GLI2: variants seen among roughly 807,000 people sequenced by gnomAD.
The protein encoded by GLI2 is GLI family zinc finger 2.
GLI2 carries 22 observed loss-of-function variants against 78.9 expected under a neutral mutation model. The observed-to-expected ratio is 0.28, with a 90% CI of 0.20 to 0.40. GLI2 has a LOEUF of 0.40. Ranked by LOEUF, GLI2 falls within the 10% of genes least tolerant of loss-of-function variation. The probability of loss-of-function intolerance (pLI) is 1.00; values close to 1 mark genes in which losing one functional copy is unlikely to be tolerated. For synonymous variants in GLI2, 974 were observed against 963.7 expected, an observed-to-expected ratio of 1.01 and a Z score of -0.20; for missense variants, 2,097 against 2,213.2, an observed-to-expected ratio of 0.95 and a Z score of 1.05.
intron 2 of GLI2, among the ~76,000 whole-genome samples, chr2:120,804,499 C>T (rs1684853725): frequency 6.6e-6 from 1 of 152,222 alleles, no homozygotes; most frequent in Admixed American, 6.5e-5. Context: ...CCTGCCAGGC[C>T]CCATGGCCAG....
At chr2:120,860,376 C>T (rs1687850373) in intron 2 of GLI2, among the ~76,000 whole-genome samples, 1 of 152,212 alleles carries the variant, frequency 6.6e-6, no homozygotes, top group Non-Finnish European at 1.5e-5. Context: ...GTGGGGCTCA[C>T]TGTCCTCAGG....
intron 1 of GLI2, among the ~76,000 whole-genome samples, chr2:120,780,291 A>C (rs1479095208): frequency 6.6e-6 from 1 of 152,194 alleles, no homozygotes; most frequent in African/African-American, 2.4e-5. Context: ...CCACTTGCCG[A>C]GCTCCAGCTG....
intron 2 of GLI2, among the ~76,000 whole-genome samples, chr2:120,891,816 G>A (rs373798083): frequency 1.3e-5 from 2 of 152,220 alleles, no homozygotes; most frequent in Admixed American, 6.5e-5. Flanking sequence ...GCAGCAGAGA[G>A]GGGCTTTGCA....
chr2:120,786,097 C>T (rs1025621155), intron 1 of GLI2, among the ~76,000 whole-genome samples: 7 of 152,154 alleles, frequency 4.6e-5, no homozygotes, highest in African/African-American at 7.2e-5. Flanking sequence ...TCCCAGGATC[C>T]GTAAGAGGAC....
At chr2:120,773,349 G>A (rs1223963364) in intron 1 of GLI2, among the ~76,000 whole-genome samples, 1 of 152,138 alleles carries the variant, frequency 6.6e-6, no homozygotes, top group African/African-American at 2.4e-5. Context: ...TGAGAGGAAA[G>A]CCAAGCCCTG....
At chr2:120,830,073 G>A (rs1214186360) in intron 2 of GLI2, among the ~76,000 whole-genome samples, 1 of 152,212 alleles carries the variant, frequency 6.6e-6, no homozygotes, top group African/African-American at 2.4e-5. Flanking sequence ...GGAAGTCAGA[G>A]TGTGCTGCTG....
chr2:120,967,994 A>C (rs1681943127), intron 5 of GLI2, among the ~76,000 whole-genome samples: 1 of 152,180 alleles, frequency 6.6e-6, no homozygotes, highest in Admixed American at 6.5e-5. Context: ...ATCAGGGGGC[A>C]CTTTAGTGGT....
intron 5 of GLI2, among the ~76,000 whole-genome samples, chr2:120,960,786 A>G (rs1374294096): frequency 6.6e-6 from 1 of 152,214 alleles, no homozygotes; most frequent in Non-Finnish European, 1.5e-5. Flanking sequence ...CTCCCAGGGC[A>G]CTGAGGCCAG....
At chr2:120,888,988 G>C in intron 2 of GLI2, among the ~76,000 whole-genome samples, 1 of 152,206 alleles carries the variant, frequency 6.6e-6, no homozygotes, top group South Asian at 2.1e-4. Context: ...GGGGAGGGTA[G>C]AGTGAAGGAG....
chr2:120,989,931 G>A lies in GLI2; in HGVS notation c.3966G>A (p.Gln1322=). The change falls in exon 14 of 14, where the codon CAG becomes CAA. Residue 1322 remains glutamine (Q), a synonymous_variant. Coordinates refer to ENST00000361492, the MANE Select transcript of GLI2 (RefSeq NM_001374353.1). ...CCATGAGCCAGGAGGGCTACCACCA[G>A]GTCCCCAGCCTTCTGCCTGCCCGCC... is the stretch of plus-strand genomic sequence containing the variant. The part of the protein sequence containing the change: ...AASMSQEGYH[Q]VPSLLPARQP... 6 of 1,612,104 alleles carry A rather than the reference G, an allele frequency of 3.7e-6. No homozygotes were observed. The highest frequency in any genetic ancestry group is 5.1e-6 in the Non-Finnish European group (6 of 1,179,600).
At chr2:120,796,788 C>T (rs1042637300) in intron 1 of GLI2, among the ~76,000 whole-genome samples, 8 of 152,074 alleles carry the variant, frequency 5.3e-5, no homozygotes, top group Admixed American at 2.6e-4. Flanking sequence ...TGACTGAGTG[C>T]GTGTGAGTCA....
At chr2:120,834,377 C>G (rs1233742204) in intron 2 of GLI2, among the ~76,000 whole-genome samples, 1 of 152,200 alleles carries the variant, frequency 6.6e-6, no homozygotes, top group Non-Finnish European at 1.5e-5. Flanking sequence ...CTAGCAGTCT[C>G]TGGGCCATAG....
intron 2 of GLI2, among the ~76,000 whole-genome samples, chr2:120,902,806 C>T (rs1238646767): frequency 2.6e-5 from 4 of 152,176 alleles, no homozygotes; most frequent in Non-Finnish European, 1.5e-5. Flanking sequence ...GCATGCATTT[C>T]AAAGGAAATG....
At chr2:120,857,108 C>T (rs530491793) in intron 2 of GLI2, among the ~76,000 whole-genome samples, 29 of 152,132 alleles carry the variant, frequency 1.9e-4, no homozygotes, top group South Asian at 1.2e-3. Context: ...GCACCCAAGA[C>T]GTGCAGGGCT....
At chr2:120,943,659 G>A (rs1290378245) in intron 3 of GLI2, among the ~76,000 whole-genome samples, 1 of 152,188 alleles carries the variant, frequency 6.6e-6, no homozygotes, top group Non-Finnish European at 1.5e-5. Context: ...TGTTAAATGG[G>A]ACATGAAGGA....
In GLI2 at chr2:120,991,225, T is replaced by C. The variant is rs1683283311; in HGVS notation, c.*550T>C. 6.5e-6 allele frequency: 1 copy of C among 154,188 alleles called. No individual in the cohort carries two copies. The highest frequency in any genetic ancestry group is 6.4e-5 in the Admixed American group (1 of 15,712). The allele number at this position is 154,188 out of a possible 1,614,324, so 9.6% of individuals were successfully genotyped here. ...ATAGAGGAAAAGCACAGATTATACC[T>C]GGATGATTCAGGAGCACATTCTGAT... On this transcript the variant is annotated 3_prime_UTR_variant, in exon 14 of 14. Coordinates refer to ENST00000361492, the MANE Select transcript of GLI2 (RefSeq NM_001374353.1).
chr2:120,885,179 C>T (rs751052633), intron 2 of GLI2, among the ~76,000 whole-genome samples: 4 of 152,250 alleles, frequency 2.6e-5, no homozygotes, highest in Admixed American at 1.3e-4. Flanking sequence ...TTCTGCACAT[C>T]ATGCAGACCG....
chr2:120,743,981 C>T (rs114798471), intron 1 of GLI2, among the ~76,000 whole-genome samples: 425 of 152,314 alleles, frequency 2.8e-3, no homozygotes, highest in African/African-American at 9.8e-3. Context: ...CTTAGCCAGC[C>T]GCTGTGCTCA....
At chr2:120,739,690 G>T (rs1365137501) in intron 1 of GLI2, among the ~76,000 whole-genome samples, 1 of 152,216 alleles carries the variant, frequency 6.6e-6, no homozygotes, top group Admixed American at 6.5e-5. Context: ...CTTTGAAAAG[G>T]AACCCGGGGG....
Sources: allele counts gnomAD v4.1 joint callset (sites outside exome capture counted in the v4.1 genomes callset), GRCh38; gene constraint gnomAD v4.1.1; transcripts MANE v1.5; gene names NCBI Gene and HGNC (gene_info 2026-07-23, HGNC 2026-07-21).